ENAH: variants seen among roughly 807,000 people sequenced by gnomAD.
ENAH encodes the protein ENAH actin regulator.
In ENAH, 23 loss-of-function variants were observed where a neutral mutation model predicts 78.7. The observed-to-expected ratio is 0.29, with a 90% confidence interval of 0.21 to 0.41. The LOEUF (loss-of-function observed/expected upper bound fraction) is 0.41. Ranked by LOEUF, ENAH falls within the 10% of genes least tolerant of loss-of-function variation. The pLI is 1.00. For missense variants in ENAH, 544 were observed against 691.0 expected, an observed-to-expected ratio of 0.79 and a Z score of 2.39; for synonymous variants, 226 against 241.0, an observed-to-expected ratio of 0.94 and a Z score of 0.58.
At chr1:225,574,115 A>G (rs1280096209) in intron 1 of ENAH, among the ~76,000 whole-genome samples, 1 of 152,254 alleles carries the variant, frequency 6.6e-6, no homozygotes, top group African/African-American at 2.4e-5. Flanking sequence ...GGAATTTTAA[A>G]TTCAGGATTT....
At chr1:225,626,277 T>A (rs528240796) in intron 1 of ENAH, among the ~76,000 whole-genome samples, 18 of 152,316 alleles carry the variant, frequency 1.2e-4, no homozygotes, top group Admixed American at 8.5e-4. Context: ...AACAAAAAAA[T>A]CTTGTCTGAT....
intron 1 of ENAH, among the ~76,000 whole-genome samples, chr1:225,569,490 C>T (rs957997882): frequency 6.6e-6 from 1 of 152,162 alleles, no homozygotes; most frequent in Non-Finnish European, 1.5e-5. Context: ...AAAATAAAAT[C>T]ATGTCCCTTT....
chr1:225,593,400 TGGGGGGGGGGGGGG>T (rs1456095465), intron 1 of ENAH, among the ~76,000 whole-genome samples: 1 of 20,444 alleles, frequency 4.9e-5, no homozygotes, highest in Non-Finnish European at 9.2e-5. Flanking sequence ...TGTGTGTGTG[TGGGGGGGGGGGGGG>T]GGGTGGGGGG....
chr1:225,554,610 T>C (rs2096657592), intron 3 of ENAH, among the ~76,000 whole-genome samples: 1 of 152,212 alleles, frequency 6.6e-6, no homozygotes. Context: ...CGGAAGTGTT[T>C]CTAAAGCAGG....
At chr1:225,519,149 T>A (rs888716950) in intron 5 of ENAH, 49 bp downstream of exon 5, 1 of 1,589,380 alleles carries the variant, frequency 6.3e-7, no homozygotes. Flanking sequence ...ACAAGAGACA[T>A]CATCCAAGCT....
chr1:225,648,758 C>CTTTTTTT (rs57529265), intron 1 of ENAH, among the ~76,000 whole-genome samples: 10 of 134,694 alleles, frequency 7.4e-5, no homozygotes, highest in Non-Finnish European at 1.1e-4. Flanking sequence ...AGATTATCTC[C>CTTTTTTT]TTTTTTTTTT....
chr1:225,592,259 A>G (rs1262152737), intron 1 of ENAH, among the ~76,000 whole-genome samples: 2 of 152,208 alleles, frequency 1.3e-5, no homozygotes, highest in Non-Finnish European at 2.9e-5. Flanking sequence ...ACAATCCCAA[A>G]GACCCACATG....
chr1:225,525,320 C>T (rs1289058311), intron 4 of ENAH, among the ~76,000 whole-genome samples: 1 of 152,230 alleles, frequency 6.6e-6, no homozygotes, highest in Non-Finnish European at 1.5e-5. Flanking sequence ...ACATAATTCA[C>T]TGCTGATCAC....
chr1:225,558,365 C>T (rs1055488719), intron 2 of ENAH, among the ~76,000 whole-genome samples: 1 of 152,088 alleles, frequency 6.6e-6, no homozygotes, highest in Non-Finnish European at 1.5e-5. Flanking sequence ...AGTTTTCTTC[C>T]TTTTACTTCT....
intron 1 of ENAH, among the ~76,000 whole-genome samples, chr1:225,607,589 C>A (rs1325041999): frequency 6.6e-6 from 1 of 150,850 alleles, no homozygotes; most frequent in Non-Finnish European, 1.5e-5. Context: ...GATATCATAA[C>A]CCAAACAATG....
intron 1 of ENAH, among the ~76,000 whole-genome samples, chr1:225,642,538 A>G (rs1408350428): frequency 6.6e-6 from 1 of 152,058 alleles, no homozygotes; most frequent in African/African-American, 2.4e-5. Context: ...GCCAATCCGT[A>G]GCACATCTGC....
At chr1:225,500,253 G>A (rs1412017639) in intron 12 of ENAH, among the ~76,000 whole-genome samples, 1 of 152,108 alleles carries the variant, frequency 6.6e-6, no homozygotes, top group Non-Finnish European at 1.5e-5. Context: ...CTGTGAATAA[G>A]GTATTTTAAA....
At chr1:225,648,349 T>C (rs181312820) in intron 1 of ENAH, among the ~76,000 whole-genome samples, 1 of 152,354 alleles carries the variant, frequency 6.6e-6, no homozygotes, top group Admixed American at 6.5e-5. Context: ...TTACAAGTTA[T>C]ACAATCACCT....
At chr1:225,581,589 A>T (rs78489284) in intron 1 of ENAH, among the ~76,000 whole-genome samples, 6,555 of 152,296 alleles carry the variant, frequency 0.043, 230 homozygotes, top group South Asian at 0.11. Flanking sequence ...ATCTCAATCT[A>T]TTTTTCTCAA....
At position 225,491,444 on chromosome 1, in the gene ENAH, T is replaced by A. The variant is rs1341860014; in HGVS notation, c.*6331A>T. ...AGGCGTGAGCCACCATGCCCGGCCATGAAACATTTATTTTTAAAATGCCTT... is the reference window on the plus strand; with the variant it reads ...AGGCGTGAGCCACCATGCCCGGCCAAGAAACATTTATTTTTAAAATGCCTT... On this transcript the variant is annotated 3_prime_UTR_variant, in exon 14 of 14. Transcript: ENST00000366843. The A allele has an allele frequency of 6.7e-6, 1 of 149,318 alleles. No individual in the cohort carries two copies. Among genetic ancestry groups the A allele is most frequent in the Non-Finnish European group, 1.5e-5 (1 of 67,550 alleles). 9.2% of individuals were successfully genotyped at this position (149,318 alleles called of 1,614,324 possible). A position where few individuals can be genotyped will look rare whatever the true frequency, so the allele number is the denominator to read the frequency against.
At chr1:225,509,919 C>G (rs1316217988) in intron 10 of ENAH, among the ~76,000 whole-genome samples, 1 of 152,182 alleles carries the variant, frequency 6.6e-6, no homozygotes, top group Non-Finnish European at 1.5e-5. Flanking sequence ...AAACTAAATA[C>G]TCTTCAAGGA....
At chr1:225,546,442 C>T (rs2096614249) in intron 3 of ENAH, among the ~76,000 whole-genome samples, 2 of 152,070 alleles carry the variant, frequency 1.3e-5, no homozygotes, top group South Asian at 4.1e-4. Flanking sequence ...AAAACAGAAG[C>T]ATAAAGAGAG....
intron 1 of ENAH, among the ~76,000 whole-genome samples, chr1:225,641,336 G>A (rs76959241): frequency 1.1e-3 from 166 of 144,774 alleles, no homozygotes; most frequent in African/African-American, 3.8e-3. Context: ...GTACCATGTC[G>A]AACCCATTAA....
chr1:225,651,699 C>G (rs1006196208), intron 1 of ENAH, among the ~76,000 whole-genome samples: 1 of 152,126 alleles, frequency 6.6e-6, no homozygotes, highest in Non-Finnish European at 1.5e-5. Flanking sequence ...AATGGATCAG[C>G]CTTCAGTCTA....
Sources: gnomAD v4.1 joint callset for allele counts (sites outside exome capture counted in the v4.1 genomes callset) on GRCh38, gnomAD v4.1.1 for gene constraint, MANE v1.5 for transcripts, NCBI Gene and HGNC (gene_info 2026-07-23, HGNC 2026-07-21) for gene names.